Variants in DLGAP5 observed in about 807,000 individuals in gnomAD.
DLGAP5 encodes DLG associated protein 5.
A neutral mutation model predicts 99.6 loss-of-function variants in DLGAP5; 90 were observed. That is an observed-to-expected ratio of 0.90 (90% confidence interval 0.76 to 1.08). DLGAP5 has a LOEUF of 1.08. Ranked by LOEUF, DLGAP5 falls within the 50% of genes least tolerant of loss-of-function variation. The pLI, the probability that DLGAP5 is intolerant of heterozygous loss-of-function variation, is 0.00. For missense variants in DLGAP5, 1,036 were observed against 983.5 expected (o/e 1.05, Z -0.71); for synonymous variants, 311 against 321.3 (o/e 0.97, Z 0.34).
At chr14:55,181,332 G>T (rs1883268368) in intron 4 of DLGAP5, 35 bp from the exon 5 acceptor site, 13 of 1,520,790 alleles carry the variant, frequency 8.5e-6, no homozygotes, top group Non-Finnish European at 1.2e-5. Flanking sequence ...TGATTTAATT[G>T]CATAATGAAT....
chr14:55,148,746 A>G, intron 18 of DLGAP5: 1 of 495,254 alleles, frequency 2.0e-6, no homozygotes, highest in Non-Finnish European at 3.6e-6. Flanking sequence ...AAAATTATAA[A>G]CAACAATGAT....
intron 14 of DLGAP5, among the ~76,000 whole-genome samples, chr14:55,157,883 C>A (rs1245562581): frequency 6.6e-6 from 1 of 152,220 alleles, no homozygotes; most frequent in African/African-American, 2.4e-5. Flanking sequence ...CTGCCCCAGC[C>A]TCCCAAGTAG....
chr14:55,159,043 A>ACC lies in DLGAP5; in HGVS notation c.1654-304_1654-303dup, dbSNP rs34645298. Among the ~76,000 whole-genome samples the ACC allele has an allele frequency of 5.0e-3, 677 of 136,152 alleles. 7 individuals are homozygous for ACC. The highest frequency in any genetic ancestry group is 0.018 in the African/African-American group (641 of 36,458). The allele number at this position is 136,152 out of a possible 152,430, so 89.3% of individuals were successfully genotyped here. On this transcript the variant is annotated intron_variant, in intron 13 of 18. Coordinates refer to ENST00000247191, the MANE Select transcript of DLGAP5 (RefSeq NM_014750.5). ...ACATCCTTTAGATTATAACCATGAC[A>ACC]CCCCCCCCCCATAAAAAAGAAAAAG...
At chr14:55,152,060 T>A in intron 16 of DLGAP5, 119 bp from the exon 17 acceptor site, 1 of 886,410 alleles carries the variant, frequency 1.1e-6, no homozygotes, top group Non-Finnish European at 1.7e-6. Context: ...GACACAGTCT[T>A]AAGAACATTA....
intron 14 of DLGAP5, 52 bp downstream of exon 14, chr14:55,158,470 C>T (rs1395969210): frequency 6.7e-7 from 1 of 1,493,690 alleles, no homozygotes; most frequent in Non-Finnish European, 9.2e-7. Flanking sequence ...AAATATTTCT[C>T]TTAAGTAGTC....
At chr14:55,151,568 T>G in intron 17 of DLGAP5, 127 bp downstream of exon 17, 1 of 1,046,740 alleles carries the variant, frequency 9.6e-7, no homozygotes, top group Non-Finnish European at 1.3e-6. Flanking sequence ...TTCAGGGTCT[T>G]CACTAACAAT....
chr14:55,153,760 C>T (rs1041538982), intron 15 of DLGAP5, among the ~76,000 whole-genome samples: 12 of 151,384 alleles, frequency 7.9e-5, no homozygotes, highest in African/African-American at 2.9e-4. Context: ...TAGTAAACTA[C>T]AAGATATACA....
chr14:55,154,169 G>C (rs772698029), intron 15 of DLGAP5, among the ~76,000 whole-genome samples: 28 of 152,116 alleles, frequency 1.8e-4, no homozygotes, highest in Non-Finnish European at 3.2e-4. Context: ...ACAATCTCAA[G>C]GTACTTTCTA....
At chr14:55,168,183 G>A (rs1882712474) in intron 12 of DLGAP5, among the ~76,000 whole-genome samples, 1 of 152,068 alleles carries the variant, frequency 6.6e-6, no homozygotes, top group Admixed American at 6.6e-5. Flanking sequence ...GAACTCCTGG[G>A]CTCAAGTGAT....
intron 3 of DLGAP5, among the ~76,000 whole-genome samples, chr14:55,182,933 G>A (rs1159805690): frequency 2.0e-5 from 3 of 151,830 alleles, no homozygotes; most frequent in African/African-American, 7.3e-5. Context: ...TATCTAGGTG[G>A]CCCACACAAG....
chr14:55,159,412 C>A (rs1882334003), intron 13 of DLGAP5, among the ~76,000 whole-genome samples: 1 of 152,138 alleles, frequency 6.6e-6, no homozygotes, highest in South Asian at 2.1e-4. Context: ...TTAGAAAGAT[C>A]ACTCAGACTA....
chr14:55,155,097 T>C (rs1882162217), intron 14 of DLGAP5, among the ~76,000 whole-genome samples: 1 of 152,120 alleles, frequency 6.6e-6, no homozygotes, highest in African/African-American at 2.4e-5. Flanking sequence ...ATCTCTCGGC[T>C]CACTGCAACC....
intron 10 of DLGAP5, among the ~76,000 whole-genome samples, chr14:55,174,179 C>T (rs1451315825): frequency 6.6e-6 from 1 of 152,156 alleles, no homozygotes; most frequent in African/African-American, 2.4e-5. Flanking sequence ...GCCCCCTGGG[C>T]GTGGCCGTCT....
intron 12 of DLGAP5, among the ~76,000 whole-genome samples, chr14:55,163,949 G>A (rs529730245): frequency 1.3e-5 from 2 of 152,116 alleles, no homozygotes; most frequent in Admixed American, 6.5e-5. Context: ...TACATCTTTT[G>A]CAAATATTTC....
In DLGAP5 at chr14:55,154,681, C is replaced by A; in HGVS notation, c.1999G>T (p.Gly667Cys). The A allele has an allele frequency of 6.2e-7, 1 of 1,614,044 alleles. No homozygotes were observed. Among genetic ancestry groups the A allele is most frequent in the Non-Finnish European group, 8.5e-7 (1 of 1,179,976 alleles). ...TGTTCACTTTTCGTATTCTGAGGAC[C>A]GGCATTTTCTGGTGATGTAGTTTGT... ...PQQTTSPENA[G>C]PQNTKSEHVK... The change falls in exon 15 of 19, where the codon GGT (glycine) becomes TGT (cysteine). Residue 667 changes from glycine (G) to cysteine (C), a missense_variant. By Grantham distance (159) the Gly-to-Cys change is radical. Coordinates refer to ENST00000247191, the MANE Select transcript of DLGAP5 (RefSeq NM_014750.5).
chr14:55,182,328 C>T (rs375121167), intron 4 of DLGAP5, 42 bp downstream of exon 4: 5 of 1,520,792 alleles, frequency 3.3e-6, no homozygotes, highest in African/African-American at 1.4e-5. Context: ...TAAAAAAGTG[C>T]AATTTATCAT....
chr14:55,156,027 C>A (rs1447944569), intron 14 of DLGAP5, among the ~76,000 whole-genome samples: 1 of 151,708 alleles, frequency 6.6e-6, no homozygotes, highest in Non-Finnish European at 1.5e-5. Flanking sequence ...GGAGGCGGAG[C>A]TTGCAGTGTG....
chr14:55,162,791 A>G (rs1051205416), intron 13 of DLGAP5, among the ~76,000 whole-genome samples, 180 bp downstream of exon 13: 2 of 152,146 alleles, frequency 1.3e-5, no homozygotes, highest in Non-Finnish European at 2.9e-5. Flanking sequence ...TTCAAAGGCA[A>G]TCAAGTACAC....
intron 12 of DLGAP5, among the ~76,000 whole-genome samples, chr14:55,167,568 C>T (rs545132604): frequency 5.3e-5 from 8 of 152,234 alleles, no homozygotes; most frequent in Admixed American, 3.9e-4. Flanking sequence ...CAGGGTCTCG[C>T]CTCTTTCTGG....
Sources: allele counts gnomAD v4.1 joint callset (sites outside exome capture counted in the v4.1 genomes callset), GRCh38; gene constraint gnomAD v4.1.1; transcripts MANE v1.5; gene names NCBI Gene and HGNC (gene_info 2026-07-23, HGNC 2026-07-21).